Variants in RYR2 observed in about 807,000 individuals in gnomAD.
RYR2 encodes cardiac muscle ryanodine receptor-calcium release channel.
Under a neutral mutation model 601.1 loss-of-function variants are expected in RYR2, and 227 were observed. The ratio of observed to expected loss-of-function variants is 0.38; its 90% CI spans 0.34 to 0.42. RYR2 has a LOEUF of 0.42. Among genes scored for constraint, RYR2 ranks in the 10% least tolerant of loss-of-function variants. The pLI is 1.00. For missense variants in RYR2, 4,646 were observed against 6,156.5 expected, an observed-to-expected ratio of 0.75 and a Z score of 8.21; for synonymous variants, 2,223 against 2,175.1, an observed-to-expected ratio of 1.02 and a Z score of -0.61.
intron 2 of RYR2, among the ~76,000 whole-genome samples, chr1:237,288,920 C>T (rs1343974252): frequency 1.4e-4 from 21 of 152,162 alleles, no homozygotes; most frequent in Non-Finnish European, 2.9e-5. Context: ...CCCATTGGAT[C>T]CCTGTGGTGC....
At chr1:237,604,645 A>C (rs1470313568) in intron 35 of RYR2, among the ~76,000 whole-genome samples, 3 of 152,308 alleles carry the variant, frequency 2.0e-5, no homozygotes, top group Admixed American at 1.3e-4. Context: ...TGGTTTTTTG[A>C]AAAGATCAAC....
chr1:237,649,901 G>A lies in RYR2; in HGVS notation c.7537G>A (p.Ala2513Thr). 6.2e-7 allele frequency: 1 copy of A among 1,613,884 alleles called. No individual in the cohort carries two copies. The highest frequency in any genetic ancestry group is 8.5e-7 in the Non-Finnish European group (1 of 1,179,878). ...GGCAGCTTTGAGTGCTACAGACATG[G>A]CCTTGGCCCTCAATCGGTACCTTTG... ...DTAALSATDM[A>T]LALNRYLCTA... The change falls in exon 50 of 105, where the codon GCC becomes ACC. Residue 2513 changes from alanine (A) to threonine (T), a missense_variant. Transcript: ENST00000366574.
chr1:237,489,787 A>T (rs1324753823), intron 17 of RYR2, among the ~76,000 whole-genome samples: 2 of 152,230 alleles, frequency 1.3e-5, no homozygotes, highest in African/African-American at 4.8e-5. Context: ...ATTACTGGGT[A>T]TATATCTGAA....
intron 51 of RYR2, among the ~76,000 whole-genome samples, chr1:237,652,519 A>G (rs1442686737): frequency 6.6e-6 from 1 of 152,164 alleles, no homozygotes; most frequent in Non-Finnish European, 1.5e-5. Flanking sequence ...TATGAGATAT[A>G]AAGAGTCTAT....
intron 34 of RYR2, 114 bp downstream of exon 34, chr1:237,595,771 C>G: frequency 7.8e-7 from 1 of 1,279,838 alleles, no homozygotes; most frequent in Non-Finnish European, 1.0e-6. Context: ...ACATGTGCCC[C>G]TGGTCTGAAA....
intron 67 of RYR2, among the ~76,000 whole-genome samples, chr1:237,706,152 G>A (rs1204790937): frequency 2.0e-5 from 3 of 152,128 alleles, no homozygotes; most frequent in Admixed American, 6.5e-5. Context: ...AGGAGGCTGA[G>A]GCATGAGAAT....
At chr1:237,336,068 G>A (rs1697216483) in intron 3 of RYR2, among the ~76,000 whole-genome samples, 1 of 151,796 alleles carries the variant, frequency 6.6e-6, no homozygotes, top group Non-Finnish European at 1.5e-5. Flanking sequence ...ACAACTGCAG[G>A]GATAGAAAAA....
chr1:237,204,238 A>T (rs1461890623), intron 1 of RYR2, among the ~76,000 whole-genome samples: 1 of 151,876 alleles, frequency 6.6e-6, no homozygotes, highest in East Asian at 1.9e-4. Flanking sequence ...CGAACACCTA[A>T]CCTCAGGTGA....
rs1558320476 is a variant in RYR2, at chr1:237,148,567, T to TATATATACACCCACACAC, written c.48+106005_48+106006insCACCCACACACATATATA. The stretch of plus-strand genomic sequence containing the variant: ...ATATATATATATACACACACACATA[T>TATATATACACCCACACAC]ATATATATATACACACACATATATA... On this transcript the variant is annotated intron_variant, in intron 1 of 104. Transcript: ENST00000366574. Among the ~76,000 whole-genome samples, 38 of 137,202 alleles carry TATATATACACCCACACAC rather than the reference T, an allele frequency of 2.8e-4. 2 individuals carry two copies. The highest frequency in any genetic ancestry group is 1.1e-3 in the African/African-American group (38 of 34,822). The allele number at this position is 137,202 out of a possible 152,430, so 90.0% of individuals were successfully genotyped here.
At position 237,714,990 on chromosome 1, in the gene RYR2, T is replaced by TAAAAAAA. The variant is rs1558274627; in HGVS notation, c.10324-2208_10324-2207insAAAAAAA. Among the ~76,000 whole-genome samples, 2 of 89,400 alleles carry TAAAAAAA rather than the reference T, an allele frequency of 2.2e-5. 1 individual carries two copies. Among genetic ancestry groups the TAAAAAAA allele is most frequent in the Admixed American group, 2.5e-4 (2 of 8,008 alleles). 58.6% of individuals were successfully genotyped at this position (89,400 alleles called of 152,430 possible). A position where few individuals can be genotyped will look rare whatever the true frequency, so the allele number is the denominator to read the frequency against. ...CCTGGTGACAGAGCGAGACTCCATC[T>TAAAAAAA]CAAAAAAAAAAAAAAAAAAAAAAAA... On this transcript the variant is annotated intron_variant, in intron 71 of 104. Transcript: ENST00000366574.
intron 56 of RYR2, among the ~76,000 whole-genome samples, chr1:237,662,468 C>T (rs1683894729): frequency 7.2e-6 from 1 of 138,836 alleles, no homozygotes; most frequent in African/African-American, 2.7e-5. Context: ...TAAGGCACTA[C>T]ACAGTATAGA....
intron 17 of RYR2, among the ~76,000 whole-genome samples, chr1:237,473,477 C>CTTTCTTCTTCTTTCTTTCTTTCT (rs1553464755): frequency 6.9e-6 from 1 of 145,548 alleles, no homozygotes; most frequent in Non-Finnish European, 1.5e-5. Flanking sequence ...ATCTATCTAT[C>CTTTCTTCTTCTTTCTTTCTTTCT]TGGCATATAT....
Position 237,472,683 on chromosome 1 carries a change from T to TAAA in RYR2, c.1708+3506_1708+3508dup, listed in dbSNP as rs34226963. On this transcript the variant is annotated intron_variant, in intron 17 of 104. Coordinates refer to ENST00000366574, the MANE Select transcript of RYR2 (RefSeq NM_001035.3). The stretch of plus-strand genomic sequence containing the variant: ...GAATGTGTGATAGGATATATTTTTG[T>TAAA]AAAAAAAAAAAAGTGAAGATGAAAG... Among the ~76,000 whole-genome samples the TAAA allele has an allele frequency of 1.0e-3, 150 of 146,308 alleles. 1 individual carries two copies. Among genetic ancestry groups the TAAA allele is most frequent in the Admixed American group, 2.3e-3 (34 of 14,730 alleles).
intron 10 of RYR2, among the ~76,000 whole-genome samples, chr1:237,392,118 G>A (rs750360082): frequency 1.3e-5 from 2 of 152,076 alleles, no homozygotes; most frequent in Non-Finnish European, 2.9e-5. Flanking sequence ...CTATAGTGTC[G>A]TAACTTTTTA....
chr1:237,622,004 C>T (rs945968124), intron 38 of RYR2, among the ~76,000 whole-genome samples: 4 of 152,074 alleles, frequency 2.6e-5, no homozygotes, highest in African/African-American at 9.7e-5. Flanking sequence ...GATTGTACTA[C>T]AGTTTTGCAA....
chr1:237,044,757 A>G (rs1397379756), intron 1 of RYR2, among the ~76,000 whole-genome samples: 3 of 149,032 alleles, frequency 2.0e-5, no homozygotes, highest in African/African-American at 7.4e-5. Flanking sequence ...TCCACCCATT[A>G]CCCTCCATCC....
At chr1:237,787,045 T>A (rs926968701) in intron 91 of RYR2, among the ~76,000 whole-genome samples, 1 of 152,180 alleles carries the variant, frequency 6.6e-6, no homozygotes, top group African/African-American at 2.4e-5. Flanking sequence ...GTTTATGTAT[T>A]AATACATATG....
intron 47 of RYR2, among the ~76,000 whole-genome samples, chr1:237,641,466 TG>T (rs1681471987): frequency 3.7e-4 from 12 of 32,554 alleles, no homozygotes; most frequent in South Asian, 1.3e-3. Context: ...AATTAGTGTC[TG>T]TCTGTCTTTC....
intron 28 of RYR2, among the ~76,000 whole-genome samples, chr1:237,568,919 T>C (rs80116093): frequency 6.6e-6 from 1 of 152,160 alleles, no homozygotes; most frequent in South Asian, 2.1e-4. Context: ...TTTTGGATTT[T>C]TTTCCCAAGA....
Sources: gnomAD v4.1 joint callset for allele counts (sites outside exome capture counted in the v4.1 genomes callset) on GRCh38, gnomAD v4.1.1 for gene constraint, MANE v1.5 for transcripts, NCBI Gene and HGNC (gene_info 2026-07-23, HGNC 2026-07-21) for gene names.